SDK1: variants seen among roughly 807,000 people sequenced by gnomAD.
SDK1 encodes protein sidekick-1.
A neutral mutation model predicts 245.5 loss-of-function variants in SDK1; 157 were observed. That is an observed-to-expected ratio of 0.64 (90% confidence interval 0.56 to 0.73). The LOEUF is 0.73. Ranked by LOEUF, SDK1 falls within the 30% of genes least tolerant of loss-of-function variation. The pLI is 0.00. For missense variants in SDK1, 3,583 were observed against 3,002.3 expected (o/e 1.19, Z -4.52); for synonymous variants, 1,647 against 1,278.5 (o/e 1.29, Z -6.15).
chr7:3,425,263 C>T (rs1455738716), intron 1 of SDK1, among the ~76,000 whole-genome samples: 22 of 152,034 alleles, frequency 1.4e-4, no homozygotes, highest in Admixed American at 1.4e-3. Flanking sequence ...CACTGATTTA[C>T]ACTTTTACAG....
chr7:3,430,961 C>G (rs1386585520), intron 1 of SDK1, among the ~76,000 whole-genome samples: 1 of 152,186 alleles, frequency 6.6e-6, no homozygotes, highest in Non-Finnish European at 1.5e-5. Flanking sequence ...AGTGCAGTGG[C>G]TAGATCTTGG....
chr7:3,419,560 T>C (rs935226411), intron 1 of SDK1, among the ~76,000 whole-genome samples: 3 of 152,190 alleles, frequency 2.0e-5, no homozygotes, highest in African/African-American at 7.2e-5. Flanking sequence ...ATCTGTTCTG[T>C]AGGATTCTTC....
At chr7:3,991,554 A>G (rs1784325068) in intron 14 of SDK1, among the ~76,000 whole-genome samples, 1 of 152,194 alleles carries the variant, frequency 6.6e-6, no homozygotes, top group Non-Finnish European at 1.5e-5. Context: ...GGCACACACA[A>G]GATGGCTCTG....
chr7:3,415,520 AT>A (rs1371495479), intron 1 of SDK1, among the ~76,000 whole-genome samples: 1 of 152,096 alleles, frequency 6.6e-6, no homozygotes, highest in Non-Finnish European at 1.5e-5. Context: ...AGTTGATACC[AT>A]TTATGTAAGT....
chr7:3,749,294 G>A (rs771621074), intron 4 of SDK1, among the ~76,000 whole-genome samples: 4 of 151,692 alleles, frequency 2.6e-5, no homozygotes, highest in South Asian at 2.1e-4. Context: ...GTGCCACCAC[G>A]CCCAGCTAAT....
intron 1 of SDK1, among the ~76,000 whole-genome samples, chr7:3,510,783 A>C (rs926484801): frequency 6.6e-6 from 1 of 152,200 alleles, no homozygotes. Context: ...TCTCTCCTAC[A>C]TCCAAGACAG....
At chr7:3,744,608 G>A (rs1170200297) in intron 4 of SDK1, among the ~76,000 whole-genome samples, 2 of 152,042 alleles carry the variant, frequency 1.3e-5, no homozygotes, top group Non-Finnish European at 2.9e-5. Context: ...TCAGGAGATC[G>A]AGACCATCCT....
intron 4 of SDK1, among the ~76,000 whole-genome samples, chr7:3,784,488 T>C (rs906869815): frequency 5.9e-5 from 9 of 151,874 alleles, no homozygotes; most frequent in African/African-American, 2.2e-4. Flanking sequence ...CCAAAATATA[T>C]AAGAAGCTCA....
At chr7:3,342,638 A>G (rs2128555009) in intron 1 of SDK1, among the ~76,000 whole-genome samples, 1 of 152,278 alleles carries the variant, frequency 6.6e-6, no homozygotes, top group South Asian at 2.1e-4. Flanking sequence ...ACTAAGCAAT[A>G]AGTTCTTAGT....
intron 1 of SDK1, among the ~76,000 whole-genome samples, chr7:3,583,338 C>G (rs1357417892): frequency 6.6e-6 from 1 of 152,308 alleles, no homozygotes; most frequent in Non-Finnish European, 1.5e-5. Context: ...AGAAACTTTC[C>G]TCTTCCGGTG....
At chr7:4,095,470 C>G (rs189424093) in intron 22 of SDK1, among the ~76,000 whole-genome samples, 1 of 152,368 alleles carries the variant, frequency 6.6e-6, no homozygotes, top group East Asian at 1.9e-4. Flanking sequence ...TATTGGGAAC[C>G]AAGCATCTCC....
At chr7:4,048,431 C>T (rs938474866) in intron 17 of SDK1, among the ~76,000 whole-genome samples, 5 of 152,140 alleles carry the variant, frequency 3.3e-5, no homozygotes, top group African/African-American at 4.8e-5. Context: ...TGCTGCTGGG[C>T]ACGGTAGACA....
chr7:3,651,157 C>G (rs547837918), intron 4 of SDK1, among the ~76,000 whole-genome samples: 11 of 142,926 alleles, frequency 7.7e-5, no homozygotes, highest in Admixed American at 5.7e-4. Flanking sequence ...AAATGCCAAA[C>G]TGTTTTCCAG....
intron 22 of SDK1, among the ~76,000 whole-genome samples, chr7:4,092,627 G>C (rs1440837035): frequency 3.3e-5 from 5 of 152,294 alleles, no homozygotes; most frequent in Non-Finnish European, 5.9e-5. Flanking sequence ...GCCTGGCCCT[G>C]GGCTAGAATT....
At chr7:3,853,056 G>C (rs1391456280) in intron 5 of SDK1, among the ~76,000 whole-genome samples, 1 of 151,820 alleles carries the variant, frequency 6.6e-6, no homozygotes, top group Middle Eastern at 3.2e-3. Flanking sequence ...ACCCCTGCAT[G>C]AACCAAAACC....
intron 5 of SDK1, among the ~76,000 whole-genome samples, chr7:3,913,292 C>CTTTT (rs1290723820): frequency 1.5e-5 from 2 of 135,184 alleles, no homozygotes; most frequent in African/African-American, 5.6e-5. Context: ...TTACACTTAT[C>CTTTT]TTTTTTTTTT....
intron 1 of SDK1, among the ~76,000 whole-genome samples, chr7:3,360,554 A>G (rs994340083): frequency 3.3e-5 from 5 of 152,200 alleles, no homozygotes; most frequent in African/African-American, 1.2e-4. Flanking sequence ...TTCGATAGAA[A>G]TAACTTGAAA....
intron 32 of SDK1, among the ~76,000 whole-genome samples, chr7:4,166,174 G>C (rs1316672490): frequency 6.6e-6 from 1 of 152,224 alleles, no homozygotes; most frequent in Admixed American, 6.5e-5. Flanking sequence ...AGTGTAAAAG[G>C]CACCTTCCCA....
intron 1 of SDK1, among the ~76,000 whole-genome samples, chr7:3,524,455 C>T (rs1369759924): frequency 6.6e-6 from 1 of 152,002 alleles, no homozygotes; most frequent in Non-Finnish European, 1.5e-5. Context: ...GTACAGATGG[C>T]AGGAAGTATA....
Sources: allele counts gnomAD v4.1 joint callset (sites outside exome capture counted in the v4.1 genomes callset), GRCh38; gene constraint gnomAD v4.1.1; transcripts MANE v1.5; gene names NCBI Gene and HGNC (gene_info 2026-07-23, HGNC 2026-07-21).